EPAS1: variants seen among roughly 807,000 people sequenced by gnomAD.
EPAS1 encodes endothelial PAS domain-containing protein 1.
A neutral mutation model predicts 87.9 loss-of-function variants in EPAS1; 23 were observed. The ratio of observed to expected loss-of-function variants is 0.26; its 90% CI spans 0.19 to 0.37. EPAS1 has a LOEUF of 0.37. Among genes scored for constraint, EPAS1 ranks in the 10% least tolerant of loss-of-function variants. The pLI is 1.00. For missense variants in EPAS1, 1,138 were observed against 1,120.7 expected (o/e 1.02, Z -0.22); for synonymous variants, 508 against 444.3 (o/e 1.14, Z -1.80).
chr2:46,349,216 C>T (rs996635653), intron 2 of EPAS1, among the ~76,000 whole-genome samples: 1 of 152,208 alleles, frequency 6.6e-6, no homozygotes, highest in Non-Finnish European at 1.5e-5. Flanking sequence ...GAGGTCCTCA[C>T]ACATTCAGAG....
chr2:46,380,667 G>T lies in EPAS1; in HGVS notation c.1995G>T (p.Ala665=). The change falls in exon 12 of 16, where the codon GCG becomes GCT. Residue 665 remains alanine, a synonymous_variant. Coordinates refer to ENST00000263734, the MANE Select transcript of EPAS1 (RefSeq NM_001430.5). The surrounding 1 kb of genome is among the most constrained non-coding windows in gnomAD (Gnocchi z 4.4). ...AGCGCACAGAGTTCTTGGGAGCAGC[G>T]CCGTTGGGGCCCCCTGTCTCTCCAC... The part of the protein sequence containing the change: ...GDQRTEFLGA[A]PLGPPVSPPH... 1.9e-6 allele frequency: 3 copies of T among 1,613,922 alleles called. No homozygotes were observed. The highest frequency in any genetic ancestry group is 2.5e-6 in the Non-Finnish European group (3 of 1,180,008).
intron 1 of EPAS1, among the ~76,000 whole-genome samples, chr2:46,329,638 A>T (rs1683635536): frequency 1.3e-5 from 2 of 152,140 alleles, no homozygotes; most frequent in African/African-American, 4.8e-5. Context: ...CCTGGCCGAG[A>T]TAGTGAAACC....
chr2:46,365,330 G>T (rs1684478411), intron 6 of EPAS1, among the ~76,000 whole-genome samples: 3 of 152,208 alleles, frequency 2.0e-5, no homozygotes, highest in Non-Finnish European at 4.4e-5. Context: ...GGGCAACCCT[G>T]TTTTGTCATT....
chr2:46,347,164 C>G lies in EPAS1; in HGVS notation c.217+101C>G. 1 of 1,319,946 alleles carries G rather than the reference C, an allele frequency of 7.6e-7. No homozygotes were observed. The highest frequency in any genetic ancestry group is 1.1e-6 in the Non-Finnish European group (1 of 918,054). The allele number at this position is 1,319,946 out of a possible 1,614,324, so 81.8% of individuals were successfully genotyped here. A position where few individuals can be genotyped will look rare whatever the true frequency, so the allele number is the denominator to read the frequency against. The stretch of plus-strand genomic sequence containing the variant: ...TGCTGCCAGAGCTGGAAAGTCACCC[C>G]ACTACAGAACTTTCACCCACAGAAA... On this transcript the variant is annotated intron_variant, in intron 2 of 15. Transcript: ENST00000263734. This position sits in a 1 kb window ranked among gnomAD's most constrained non-coding sequence, Gnocchi z 4.2.
rs1396083258 is a variant in EPAS1, at chr2:46,381,411, T to C, written c.2046-185T>C. On this transcript the variant is annotated intron_variant, in intron 12 of 15. Transcript: ENST00000263734. ...CTTGAGCCCTTCAGCATCTTATAGC[T>C]GAGGAAGGAGACAGAGCTCGAGCTC... 3.1e-5 allele frequency: 27 copies of C among 871,040 alleles called. No individual in the cohort carries two copies. In the South Asian group the frequency reaches 3.9e-4, roughly 13 times the overall value. 54.0% of individuals were successfully genotyped at this position (871,040 alleles called of 1,614,324 possible). A position where few individuals can be genotyped will look rare whatever the true frequency, so the allele number is the denominator to read the frequency against.
At chr2:46,372,365 C>G (rs749190416) in intron 7 of EPAS1, among the ~76,000 whole-genome samples, 1 of 152,224 alleles carries the variant, frequency 6.6e-6, no homozygotes, top group East Asian at 1.9e-4. Flanking sequence ...GACTGACACA[C>G]ATGCTCTAGA....
intron 1 of EPAS1, among the ~76,000 whole-genome samples, chr2:46,325,033 G>T (rs538891048): frequency 1.3e-5 from 2 of 152,224 alleles, no homozygotes; most frequent in African/African-American, 4.8e-5. Context: ...AAGAAAAAAG[G>T]TCCAGTTTAT....
intron 7 of EPAS1, among the ~76,000 whole-genome samples, chr2:46,372,264 A>G (rs1684642142): frequency 6.6e-6 from 1 of 152,164 alleles, no homozygotes; most frequent in Non-Finnish European, 1.5e-5. Flanking sequence ...TGGAAATTGG[A>G]TTAATGACAG....
chr2:46,360,582 A>G lies in EPAS1; in HGVS notation c.455-56A>G. The stretch of plus-strand genomic sequence containing the variant: ...GAAAAACTGCAGCTGGGCCCCTCTC[A>G]TGAATATCCATATAAAACTGACTTC... On this transcript the variant is annotated intron_variant, in intron 4 of 15. Transcript: ENST00000263734. This position sits in a 1 kb window ranked among gnomAD's most constrained non-coding sequence, Gnocchi z 4.5. 4 of 1,482,786 alleles carry G rather than the reference A, an allele frequency of 2.7e-6. No individual in the cohort carries two copies. In the South Asian group the frequency reaches 3.4e-5, roughly 13 times the overall value. 91.9% of individuals were successfully genotyped at this position (1,482,786 alleles called of 1,614,324 possible).
chr2:46,316,612 A>G (rs1229412925), intron 1 of EPAS1, among the ~76,000 whole-genome samples: 1 of 152,236 alleles, frequency 6.6e-6, no homozygotes, highest in African/African-American at 2.4e-5. Context: ...AAGAAATGCT[A>G]ACAATCATCT....
intron 3 of EPAS1, 82 bp downstream of exon 3, chr2:46,356,384 C>T: frequency 6.4e-7 from 1 of 1,556,248 alleles, no homozygotes; most frequent in Non-Finnish European, 8.8e-7. Context: ...TAGCCACAAT[C>T]CCACTTGACC....
Position 46,369,945 on chromosome 2 carries a change from G to T in EPAS1, c.886+12G>T. On this transcript the variant is annotated intron_variant, in intron 7 of 15. Coordinates refer to ENST00000263734, the MANE Select transcript of EPAS1 (RefSeq NM_001430.5). ...GAGTCACCAGAACTGTGAGTTCCAGGAGTGCCCCTTGTGGCTTCCTTGTGT... is the reference window on the plus strand; with the variant it reads ...GAGTCACCAGAACTGTGAGTTCCAGTAGTGCCCCTTGTGGCTTCCTTGTGT... 6.3e-7 allele frequency: 1 copy of T among 1,598,828 alleles called. No homozygotes were observed. The highest frequency in any genetic ancestry group is 8.6e-7 in the Non-Finnish European group (1 of 1,169,396).
intron 1 of EPAS1, among the ~76,000 whole-genome samples, chr2:46,336,371 T>C (rs1683795105): frequency 6.6e-6 from 1 of 151,858 alleles, no homozygotes; most frequent in African/African-American, 2.4e-5. Flanking sequence ...AGGCCTTTAA[T>C]AAGGGCCTAT....
chr2:46,348,249 A>G (rs4953354), intron 2 of EPAS1, among the ~76,000 whole-genome samples: 33,512 of 152,124 alleles, frequency 0.22, 3,966 homozygotes, highest in South Asian at 0.29. Context: ...GCCAAGGGGG[A>G]AGATATGCTC....
rs995599771 is a variant in EPAS1 at position 46,366,233 on chromosome 2, C to T, written c.780-3594C>T. On this transcript the variant is annotated intron_variant, in intron 6 of 15. Transcript: ENST00000263734. The stretch of plus-strand genomic sequence containing the variant: ...CTGCCACTTGAGGTGGCAGCACTCA[C>T]GCTGTAGCCAAGAGAATAATTTTTT... 3.9e-5 allele frequency among the ~76,000 whole-genome samples: 6 copies of T among 152,350 alleles called. No homozygotes were observed. In the South Asian group the frequency reaches 1.0e-3, roughly 26 times the overall value.
chr2:46,336,718 CTCTT>C (rs1462533311), intron 1 of EPAS1, among the ~76,000 whole-genome samples: 1 of 152,186 alleles, frequency 6.6e-6, no homozygotes, highest in Non-Finnish European at 1.5e-5. Flanking sequence ...GTTCCTGGGT[CTCTT>C]TCTACTCAAA....
At chr2:46,305,668 A>G (rs1683098143) in intron 1 of EPAS1, among the ~76,000 whole-genome samples, 1 of 152,196 alleles carries the variant, frequency 6.6e-6, no homozygotes, top group Non-Finnish European at 1.5e-5. Flanking sequence ...AAGCCATGGA[A>G]GTGGATTGTT....
chr2:46,360,528 T>A lies in EPAS1; in HGVS notation c.455-110T>A. 1 of 973,060 alleles carries A rather than the reference T, an allele frequency of 1.0e-6. No homozygotes were observed. Among genetic ancestry groups the A allele is most frequent in the Non-Finnish European group, 1.7e-6 (1 of 598,886 alleles). 60.3% of individuals were successfully genotyped at this position (973,060 alleles called of 1,614,324 possible). A position where few individuals can be genotyped will look rare whatever the true frequency, so the allele number is the denominator to read the frequency against. On this transcript the variant is annotated intron_variant, in intron 4 of 15. Transcript: ENST00000263734. This position sits in a 1 kb window ranked among gnomAD's most constrained non-coding sequence, Gnocchi z 4.5. ...ACCACAGGTGCTAAGAGAGCAGATA[T>A]TTGGAAAATATAAACAATAGGCTGC...
At chr2:46,302,130 G>C (rs909245298) in intron 1 of EPAS1, among the ~76,000 whole-genome samples, 1 of 143,364 alleles carries the variant, frequency 7.0e-6, no homozygotes, top group Non-Finnish European at 1.5e-5. Flanking sequence ...GTGTGTGTGT[G>C]TGTGTGTGTG....
Sources: allele counts gnomAD v4.1 joint callset (sites outside exome capture counted in the v4.1 genomes callset), GRCh38; gene constraint gnomAD v4.1.1; non-coding constraint Gnocchi (gnomAD v3.1); transcripts MANE v1.5; gene names NCBI Gene and HGNC (gene_info 2026-07-23, HGNC 2026-07-21).